The following AVEN variants were observed in gnomAD, a reference collection of about 807,000 sequenced individuals.
The protein encoded by AVEN is apoptosis and caspase activation inhibitor, also known as cell death regulator Aven.
AVEN carries 41 observed loss-of-function variants against 38.1 expected under a neutral mutation model. That is an observed-to-expected ratio of 1.08 (90% CI 0.84 to 1.40). The LOEUF (loss-of-function observed/expected upper bound fraction) is 1.40, where lower values mean the gene tolerates loss of function less well. Among genes scored for constraint, AVEN ranks in the 40% most tolerant of loss-of-function variants. AVEN has a pLI of 0.00. For missense variants in AVEN, 605 were observed against 438.8 expected (o/e 1.38, Z -3.38); for synonymous variants, 206 against 171.8 (o/e 1.20, Z -1.56).
chr15:33,893,922 T>C (rs1245307762), intron 2 of AVEN, among the ~76,000 whole-genome samples: 2 of 151,096 alleles, frequency 1.3e-5, no homozygotes, highest in Non-Finnish European at 2.9e-5. Flanking sequence ...CAGAAAAGAA[T>C]GAGAAGGAGG....
At chr15:33,857,747 C>G, downstream of AVEN, 5 of 1,613,160 alleles carry the variant, frequency 3.1e-6, no homozygotes, top group Non-Finnish European at 3.4e-6. Context: ...GAAGACCCCA[C>G]TCCTTTTCCT....
At chr15:33,898,860 A>T (rs1892358475) in intron 2 of AVEN, among the ~76,000 whole-genome samples, 1 of 152,224 alleles carries the variant, frequency 6.6e-6, no homozygotes, top group Non-Finnish European at 1.5e-5. Flanking sequence ...GGATTAACAG[A>T]GGACTTCATG....
At chr15:33,939,772 C>G (rs559077339) in intron 2 of AVEN, among the ~76,000 whole-genome samples, 44 of 152,222 alleles carry the variant, frequency 2.9e-4, no homozygotes, top group African/African-American at 1.0e-3. Flanking sequence ...AACACTACCC[C>G]CTAATGTAAT....
At chr15:34,007,840 C>T (rs1897427484) in intron 1 of AVEN, among the ~76,000 whole-genome samples, 1 of 152,200 alleles carries the variant, frequency 6.6e-6, no homozygotes, top group Admixed American at 6.5e-5. Context: ...CCATGACCTT[C>T]TCCAGCTTCT....
intron 2 of AVEN, among the ~76,000 whole-genome samples, chr15:33,895,442 C>T (rs978021520): frequency 6.6e-6 from 1 of 151,914 alleles, no homozygotes; most frequent in African/African-American, 2.4e-5. Flanking sequence ...CCTGCCACCT[C>T]AGCCTCTTGA....
chr15:33,948,670 G>A (rs1894600019), intron 2 of AVEN, among the ~76,000 whole-genome samples: 1 of 151,880 alleles, frequency 6.6e-6, no homozygotes, highest in African/African-American at 2.4e-5. Context: ...GGTTTTTGAA[G>A]GTGTTTGTTT....
intron 4 of AVEN, among the ~76,000 whole-genome samples, chr15:33,870,373 G>A (rs1367298883): frequency 6.6e-6 from 1 of 152,138 alleles, no homozygotes; most frequent in East Asian, 1.9e-4. Flanking sequence ...TTAACGCAAA[G>A]CTGACTGGGT....
Position 33,947,883 on chromosome 15 carries a change from G to A in AVEN, c.445+55149C>T, listed in dbSNP as rs201368087. Among the ~76,000 whole-genome samples, 6 of 152,210 alleles carry A rather than the reference G, an allele frequency of 3.9e-5. No homozygotes were observed. In the East Asian group the frequency reaches 1.2e-3, roughly 29 times the overall value. ...TTATGGCTATGCCATGTCTGTAATG[G>A]ATGGAAAATATTACAGCAATAGATT... On this transcript the variant is annotated intron_variant, in intron 2 of 5. Transcript: ENST00000306730.
chr15:34,061,402 A>C (rs1900332028), intron 5 of AVEN, among the ~76,000 whole-genome samples: 1 of 152,160 alleles, frequency 6.6e-6, no homozygotes, highest in Non-Finnish European at 1.5e-5. Flanking sequence ...ATGTACTGAT[A>C]AAAAGCTGTC....
intron 2 of AVEN, among the ~76,000 whole-genome samples, chr15:33,997,433 G>A (rs528463947): frequency 1.3e-5 from 2 of 152,116 alleles, no homozygotes; most frequent in Non-Finnish European, 2.9e-5. Context: ...CTAAGGAAAT[G>A]TAAACTAAAA....
chr15:33,941,265 TATTAG>T (rs1359079854), intron 2 of AVEN, among the ~76,000 whole-genome samples: 1 of 152,228 alleles, frequency 6.6e-6, no homozygotes, highest in East Asian at 1.9e-4. Flanking sequence ...GAAAATTTGT[TATTAG>T]ATTAAATTCA....
chr15:34,017,937 C>T (rs537284265), intron 1 of AVEN, among the ~76,000 whole-genome samples: 1 of 152,294 alleles, frequency 6.6e-6, no homozygotes, highest in South Asian at 2.1e-4. Context: ...CAGCATTATT[C>T]ACAGGTCTGT....
At chr15:33,860,724 T>TAAAC in intron 11 of AVEN, 1 of 1,229,824 alleles carries the variant, frequency 8.1e-7, no homozygotes, top group Non-Finnish European at 1.2e-6. Flanking sequence ...ATAGATTTTT[T>TAAAC]AAACAATAGG....
chr15:34,009,476 A>T (rs1220946492), intron 1 of AVEN, among the ~76,000 whole-genome samples: 2 of 152,216 alleles, frequency 1.3e-5, no homozygotes, highest in African/African-American at 2.4e-5. Flanking sequence ...AGATTTTTTT[A>T]AAAAATCAAT....
At chr15:33,874,998 C>CA (rs1948442856) in intron 3 of AVEN, among the ~76,000 whole-genome samples, 1 of 152,180 alleles carries the variant, frequency 6.6e-6, no homozygotes, top group African/African-American at 2.4e-5. Context: ...TTTTCTATGG[C>CA]ATATATAACA....
chr15:34,072,119 A>G (rs1225710125), intron 1 of AVEN, among the ~76,000 whole-genome samples: 3 of 151,726 alleles, frequency 2.0e-5, no homozygotes, highest in Non-Finnish European at 4.4e-5. Flanking sequence ...AAAGTTTTTA[A>G]TTAGCTAGGC....
chr15:33,863,126 C>CTCTT (rs1889067601), downstream of AVEN, among the ~76,000 whole-genome samples: 1 of 152,126 alleles, frequency 6.6e-6, no homozygotes. Context: ...TTACACTGGT[C>CTCTT]TCTTTCCTAT....
intron 2 of AVEN, among the ~76,000 whole-genome samples, chr15:33,893,516 A>G (rs1892080214): frequency 6.6e-6 from 1 of 152,218 alleles, no homozygotes; most frequent in South Asian, 2.1e-4. Context: ...AGGTATGAGC[A>G]CACCCCAGTA....
At chr15:33,917,165 T>G (rs144717419) in intron 2 of AVEN, among the ~76,000 whole-genome samples, 590 of 152,116 alleles carry the variant, frequency 3.9e-3, no homozygotes, top group African/African-American at 0.014. Context: ...GTGTGGAGAT[T>G]CCTTAAAGAA....
Sources: gnomAD v4.1 joint callset for allele counts (sites outside exome capture counted in the v4.1 genomes callset) on GRCh38, gnomAD v4.1.1 for gene constraint, MANE v1.5 for transcripts, NCBI Gene and HGNC (gene_info 2026-07-23, HGNC 2026-07-21) for gene names.